COMMD1: variants seen among roughly 807,000 people sequenced by gnomAD.
COMMD1 encodes copper metabolism domain containing 1, also known as COMM domain-containing protein 1.
Under a neutral mutation model 17.2 loss-of-function variants are expected in COMMD1, and 10 were observed. The observed-to-expected ratio is 0.58, with a 90% CI of 0.36 to 0.99. The LOEUF (loss-of-function observed/expected upper bound fraction) is 0.99. Ranked by LOEUF, COMMD1 falls within the 50% of genes least tolerant of loss-of-function variation. The probability of loss-of-function intolerance (pLI) is 0.01; values close to 1 mark genes in which losing one functional copy is unlikely to be tolerated. For missense variants in COMMD1, 270 were observed against 231.8 expected, an observed-to-expected ratio of 1.17 and a Z score of -1.07; for synonymous variants, 97 against 91.6, an observed-to-expected ratio of 1.06 and a Z score of -0.34.
chr2:61,989,706 C>A lies in COMMD1; in HGVS notation c.181-10995C>A, dbSNP rs540974592. Among the ~76,000 whole-genome samples, 4 of 152,124 alleles carry A rather than the reference C, an allele frequency of 2.6e-5. No individual in the cohort carries two copies. The East Asian group carries it at 7.7e-4, about 29-fold the overall frequency. ...TCGAAACTCCCAACCTCAAGTGATC[C>A]GCCCACGTCGGCCTCCCAAAGTGCT... On this transcript the variant is annotated intron_variant, in intron 1 of 2. Coordinates refer to ENST00000311832, the MANE Select transcript of COMMD1 (RefSeq NM_152516.4).
intron 1 of COMMD1, among the ~76,000 whole-genome samples, chr2:61,896,054 T>G (rs1365771142): frequency 6.6e-6 from 1 of 152,102 alleles, no homozygotes; most frequent in Non-Finnish European, 1.5e-5. Context: ...CTAAAACTAG[T>G]CTATAAAGAC....
chr2:61,997,933 T>C (rs771819833), intron 1 of COMMD1, among the ~76,000 whole-genome samples: 1 of 152,248 alleles, frequency 6.6e-6, no homozygotes, highest in Non-Finnish European at 1.5e-5. Context: ...AACCTTTTGT[T>C]TAGTGTAACC....
In COMMD1 at chr2:62,000,709, G is replaced by A. The variant is rs537717928; in HGVS notation, c.189G>A (p.Ala63=). Residue 63 remains alanine (A), a synonymous_variant, in exon 2 of 3, where the codon GCG becomes GCA. Transcript: ENST00000311832. Reference sequence around the variant, plus strand: ...TTCTGTCATCTTTATAGTCTATTGCGTCTGCAGACATGGATTTCAACCAGC... The same window carrying A: ...TTCTGTCATCTTTATAGTCTATTGCATCTGCAGACATGGATTTCAACCAGC... ...AKMRGILKSI[A]SADMDFNQLE... is the part of the protein sequence containing the mutation. 47 of 1,613,738 alleles carry A rather than the reference G, an allele frequency of 2.9e-5. 1 individual carries two copies. The East Asian group carries it at 5.6e-4, about 19-fold the overall frequency.
chr2:61,977,241 C>CT (rs1160361696), intron 1 of COMMD1, among the ~76,000 whole-genome samples: 11,385 of 88,918 alleles, frequency 0.13, 1,265 homozygotes, highest in East Asian at 0.16. Flanking sequence ...ATAAAGTTTG[C>CT]TTTTTTTTTT....
chr2:61,978,505 T>C (rs778119111), intron 1 of COMMD1, among the ~76,000 whole-genome samples: 24 of 152,326 alleles, frequency 1.6e-4, no homozygotes, highest in Admixed American at 2.6e-4. Flanking sequence ...ATGGTATCAT[T>C]ATCTTGAGGT....
At chr2:62,054,280 G>A (rs1670625251) in intron 2 of COMMD1, among the ~76,000 whole-genome samples, 1 of 152,178 alleles carries the variant, frequency 6.6e-6, no homozygotes, top group Non-Finnish European at 1.5e-5. Flanking sequence ...TGCCAAGATA[G>A]TATGAAGTTA....
chr2:62,099,755 G>GACCA (rs752542157), intron 2 of COMMD1, among the ~76,000 whole-genome samples: 7 of 151,912 alleles, frequency 4.6e-5, no homozygotes, highest in Non-Finnish European at 8.8e-5. Context: ...AACACCAGGC[G>GACCA]ACCAGCCCTT....
intron 2 of COMMD1, among the ~76,000 whole-genome samples, chr2:62,034,708 C>T (rs545538853): frequency 7.2e-4 from 109 of 152,146 alleles, no homozygotes; most frequent in African/African-American, 2.5e-3. Context: ...TTGCCAGTCA[C>T]TATGTGTATG....
chr2:61,968,943 G>GTT, intron 1 of COMMD1: 1 of 273,160 alleles, frequency 3.7e-6, no homozygotes, highest in Non-Finnish European at 7.4e-6. Flanking sequence ...TCTTTATTTA[G>GTT]TCTTTTTTTT....
rs926180029 is a variant in COMMD1 at position 61,940,331 on chromosome 2, C to A, written c.180+34473C>A. 1.1e-4 allele frequency among the ~76,000 whole-genome samples: 16 copies of A among 152,248 alleles called. No homozygotes were observed. The South Asian group carries it at 1.2e-3, about 12-fold the overall frequency. ...AAACATCCCCCAGTCACATACAGTA[C>A]CCATTTTCATAAGACATTTAGGTAA... On this transcript the variant is annotated intron_variant, in intron 1 of 2. Coordinates refer to ENST00000311832, the MANE Select transcript of COMMD1 (RefSeq NM_152516.4).
chr2:62,060,348 A>G (rs1371998288), intron 2 of COMMD1, among the ~76,000 whole-genome samples: 1 of 152,144 alleles, frequency 6.6e-6, no homozygotes, highest in Non-Finnish European at 1.5e-5. Flanking sequence ...AAATAAATAA[A>G]TAAAACAATA....
chr2:62,027,322 TC>T (rs1669786208), intron 2 of COMMD1, among the ~76,000 whole-genome samples: 3 of 152,214 alleles, frequency 2.0e-5, no homozygotes, highest in Non-Finnish European at 4.4e-5. Context: ...ATATTTACCA[TC>T]TCTGTGGTAA....
intron 1 of COMMD1, among the ~76,000 whole-genome samples, chr2:61,952,632 G>A (rs1223172763): frequency 1.3e-5 from 2 of 152,118 alleles, no homozygotes; most frequent in African/African-American, 4.8e-5. Flanking sequence ...AATTTTCCAG[G>A]AAAACTCTGC....
At chr2:62,093,894 T>C (rs2104004316) in intron 2 of COMMD1, among the ~76,000 whole-genome samples, 3 of 152,312 alleles carry the variant, frequency 2.0e-5, no homozygotes, top group Middle Eastern at 3.4e-3. Context: ...CCACTTTTCC[T>C]TTAGCTAATT....
intron 1 of COMMD1, among the ~76,000 whole-genome samples, chr2:61,969,925 G>T (rs187937759): frequency 1.3e-5 from 2 of 151,648 alleles, no homozygotes; most frequent in African/African-American, 4.9e-5. Flanking sequence ...AAAAACCTCC[G>T]ATGTAAGTGG....
chr2:61,913,796 CAA>C (rs1164297104), intron 1 of COMMD1, among the ~76,000 whole-genome samples: 6 of 14,512 alleles, frequency 4.1e-4, no homozygotes, highest in African/African-American at 1.0e-3. Context: ...ACTCCATCTC[CAA>C]AAAAAAAAAA....
intron 1 of COMMD1, among the ~76,000 whole-genome samples, chr2:61,890,708 T>TA (rs1669408174): frequency 2.7e-5 from 4 of 150,920 alleles, no homozygotes; most frequent in African/African-American, 9.8e-5. Context: ...GGGGGTGTAA[T>TA]CCCAGCTACT....
chr2:61,896,548 C>T (rs1669552473), intron 1 of COMMD1, among the ~76,000 whole-genome samples: 1 of 152,188 alleles, frequency 6.6e-6, no homozygotes, highest in Non-Finnish European at 1.5e-5. Flanking sequence ...CACCACTGCA[C>T]TGGGTGGCAG....
chr2:61,954,357 G>T (rs916223129), intron 1 of COMMD1, among the ~76,000 whole-genome samples: 10 of 152,156 alleles, frequency 6.6e-5, no homozygotes, highest in African/African-American at 9.7e-5. Flanking sequence ...TGTATACAAG[G>T]CTGGTTTATG....
Sources: gnomAD v4.1 joint callset for allele counts (sites outside exome capture counted in the v4.1 genomes callset) on GRCh38, gnomAD v4.1.1 for gene constraint, MANE v1.5 for transcripts, NCBI Gene and HGNC (gene_info 2026-07-23, HGNC 2026-07-21) for gene names.